The following CEMIP variants were observed in gnomAD, a reference collection of about 807,000 sequenced individuals.
CEMIP encodes cell migration inducing hyaluronidase 1.
CEMIP carries 105 observed loss-of-function variants against 156.9 expected under a neutral mutation model. That is an observed-to-expected ratio of 0.67 (90% CI 0.57 to 0.79). CEMIP has a LOEUF of 0.79. Among genes scored for constraint, CEMIP ranks in the 30% least tolerant of loss-of-function variants. CEMIP has a pLI of 0.00. For synonymous variants in CEMIP, 676 were observed against 668.4 expected (o/e 1.01, Z -0.17); for missense variants, 1,457 against 1,769.4 (o/e 0.82, Z 3.17).
At chr15:80,885,148 G>A (rs999174560) in intron 7 of CEMIP, among the ~76,000 whole-genome samples, 2 of 152,070 alleles carry the variant, frequency 1.3e-5, no homozygotes, top group Non-Finnish European at 2.9e-5. Flanking sequence ...TTTTTATCAT[G>A]TTGAATCAAA....
At chr15:80,814,335 C>T (rs551597045) in intron 1 of CEMIP, among the ~76,000 whole-genome samples, 1 of 152,262 alleles carries the variant, frequency 6.6e-6, no homozygotes, top group Admixed American at 6.5e-5. Flanking sequence ...AGGTGTGAGC[C>T]ACTGAGCCCG....
chr15:80,807,695 T>C (rs1896547502), intron 1 of CEMIP, among the ~76,000 whole-genome samples: 2 of 152,220 alleles, frequency 1.3e-5, no homozygotes, highest in South Asian at 4.1e-4. Context: ...CTAAAGGCTG[T>C]CTTAAAAACA....
Position 80,875,676 on chromosome 15 carries a change from C to T in CEMIP, c.94+1703C>T, listed in dbSNP as rs140059618. 2.5e-3 allele frequency among the ~76,000 whole-genome samples: 376 copies of T among 152,264 alleles called. 3 individuals carry two copies. The highest frequency in any genetic ancestry group is 8.6e-3 in the African/African-American group (356 of 41,558). The stretch of plus-strand genomic sequence containing the variant: ...GAAGCCAACCCTTGCTATTCATGCT[C>T]CAAGTAGGTCGGGCTTGCACTCCCT... On this transcript the variant is annotated intron_variant, in intron 3 of 29. Coordinates refer to ENST00000394685, the MANE Select transcript of CEMIP (RefSeq NM_001293298.2).
intron 1 of CEMIP, among the ~76,000 whole-genome samples, chr15:80,805,526 T>C (rs867878026): frequency 4.6e-5 from 7 of 152,148 alleles, no homozygotes; most frequent in Non-Finnish European, 1.5e-5. Flanking sequence ...AGCTCAGGAG[T>C]AGTGTTGTTC....
intron 1 of CEMIP, among the ~76,000 whole-genome samples, chr15:80,827,065 T>C (rs890648535): frequency 1.2e-4 from 19 of 152,192 alleles, no homozygotes; most frequent in African/African-American, 4.3e-4. Flanking sequence ...TTTCACTCCA[T>C]GGTGCTGCTT....
Position 80,951,690 on chromosome 15 carries a change from A to AG in CEMIP, c.*2770dup, listed in dbSNP as rs1901837258. On this transcript the variant is annotated 3_prime_UTR_variant, in exon 30 of 30. Coordinates refer to ENST00000394685, the MANE Select transcript of CEMIP (RefSeq NM_001293298.2). The stretch of plus-strand genomic sequence containing the variant: ...GGAGATGTCCTTTGCATTGCTTGGA[A>AG]GGGGTGTACCTAGAGCCAAGGAAAT... 6.6e-6 allele frequency: 1 copy of AG among 152,580 alleles called. No homozygotes were observed. The allele number at this position is 152,580 out of a possible 1,614,324, so 9.5% of individuals were successfully genotyped here.
At chr15:80,942,368 G>A (rs752033858) in intron 27 of CEMIP, 31 bp downstream of exon 27, 3 of 1,577,064 alleles carry the variant, frequency 1.9e-6, no homozygotes, top group East Asian at 2.2e-5. Context: ...GAGGATTCGG[G>A]TTTGCTCATT....
At position 80,827,126 on chromosome 15, in the gene CEMIP, G is replaced by A. The variant is rs1031327651; in HGVS notation, c.-175-46412G>A. Among the ~76,000 whole-genome samples the A allele has an allele frequency of 2.3e-4, 35 of 152,216 alleles. 1 individual carries two copies. The highest frequency in any genetic ancestry group is 8.4e-4 in the African/African-American group (35 of 41,538). Reference sequence around the variant, plus strand: ...CAAATCACTACCATGCACAGCAGTGGGCCAGGTCTCACCTGGGGATAGGTG... The same window carrying A: ...CAAATCACTACCATGCACAGCAGTGAGCCAGGTCTCACCTGGGGATAGGTG... On this transcript the variant is annotated intron_variant, in intron 1 of 29. Coordinates refer to ENST00000394685, the MANE Select transcript of CEMIP (RefSeq NM_001293298.2).
At chr15:80,797,633 C>T (rs531207650) in intron 1 of CEMIP, among the ~76,000 whole-genome samples, 15 of 142,354 alleles carry the variant, frequency 1.1e-4, no homozygotes, top group African/African-American at 2.6e-4. Flanking sequence ...CTAGAAGAAA[C>T]GTACAAAAAC....
At chr15:80,797,946 T>C (rs1270898927) in intron 1 of CEMIP, among the ~76,000 whole-genome samples, 1 of 152,256 alleles carries the variant, frequency 6.6e-6, no homozygotes, top group Non-Finnish European at 1.5e-5. Context: ...GGGTCTGTGC[T>C]CTAAGCACTG....
intron 1 of CEMIP, among the ~76,000 whole-genome samples, chr15:80,797,166 T>G (rs561340280): frequency 6.6e-6 from 1 of 152,330 alleles, no homozygotes; most frequent in South Asian, 2.1e-4. Flanking sequence ...ACGGGAATTG[T>G]GCACAGCAAC....
At chr15:80,808,442 G>A (rs1896570919) in intron 1 of CEMIP, among the ~76,000 whole-genome samples, 2 of 152,190 alleles carry the variant, frequency 1.3e-5, no homozygotes, top group African/African-American at 2.4e-5. Context: ...CAGGTGGGCA[G>A]GCAGGGTTCT....
At chr15:80,894,089 T>C (rs540492981) in intron 10 of CEMIP, among the ~76,000 whole-genome samples, 15 of 152,258 alleles carry the variant, frequency 9.9e-5, no homozygotes, top group Admixed American at 7.8e-4. Context: ...CCAGCCCTCA[T>C]CCACTGAGAC....
intron 14 of CEMIP, among the ~76,000 whole-genome samples, chr15:80,909,977 C>T (rs901617016): frequency 6.6e-6 from 1 of 152,278 alleles, no homozygotes; most frequent in East Asian, 1.9e-4. Context: ...AACATTTGAA[C>T]ATTTTTACAC....
At chr15:80,832,268 T>C (rs1043810878) in intron 1 of CEMIP, among the ~76,000 whole-genome samples, 1 of 151,904 alleles carries the variant, frequency 6.6e-6, no homozygotes, top group Middle Eastern at 3.2e-3. Context: ...GTTGCCTATG[T>C]GTTACTATAC....
In CEMIP at chr15:80,932,565, G is replaced by A. The variant is rs1199341087; in HGVS notation, c.2793+526G>A. Among the ~76,000 whole-genome samples the A allele has an allele frequency of 6.6e-6, 1 of 152,154 alleles. No homozygotes were observed. Among genetic ancestry groups the A allele is most frequent in the Non-Finnish European group, 1.5e-5 (1 of 68,038 alleles). The stretch of plus-strand genomic sequence containing the variant: ...AAGGGCTGCCCTGTGAGACCAGCCG[G>A]GGCCAGTCCTCCTGTGCATTTCCTT... On this transcript the variant is annotated intron_variant, in intron 22 of 29. Coordinates refer to ENST00000394685, the MANE Select transcript of CEMIP (RefSeq NM_001293298.2). This position sits in a 1 kb window ranked among gnomAD's most constrained non-coding sequence, Gnocchi z 4.5.
At chr15:80,832,148 T>C (rs984474821) in intron 1 of CEMIP, among the ~76,000 whole-genome samples, 2 of 152,248 alleles carry the variant, frequency 1.3e-5, no homozygotes. Context: ...GCTTTTGTTT[T>C]GCAAAATCTG....
intron 1 of CEMIP, among the ~76,000 whole-genome samples, chr15:80,804,491 T>C (rs1170694572): frequency 6.6e-6 from 1 of 152,192 alleles, no homozygotes; most frequent in Non-Finnish European, 1.5e-5. Context: ...GAAGGTTGAC[T>C]CTTCTGAACT....
chr15:80,937,922 A>G lies in CEMIP; in HGVS notation c.3350A>G (p.Asp1117Gly). The change falls in exon 25 of 30, where the codon GAC becomes GGC. Residue 1117 changes from aspartate (D) to glycine (G), a missense_variant. Coordinates refer to ENST00000394685, the MANE Select transcript of CEMIP (RefSeq NM_001293298.2). ...GTCTTCGTGAGGACCTTGCAGATGG[A>G]CAAAGTGGAGCAGAGCTACCCTGGC... is the stretch of plus-strand genomic sequence containing the variant. ...TGVFVRTLQM[D>G]KVEQSYPGRS... is the part of the protein sequence containing the mutation. 1 of 1,614,212 alleles carries G rather than the reference A, an allele frequency of 6.2e-7. No individual in the cohort carries two copies. Among genetic ancestry groups the G allele is most frequent in the Non-Finnish European group, 8.5e-7 (1 of 1,180,026 alleles).
Sources: gnomAD v4.1 joint callset for allele counts (sites outside exome capture counted in the v4.1 genomes callset) on GRCh38, gnomAD v4.1.1 for gene constraint, Gnocchi (gnomAD v3.1) non-coding constraint, MANE v1.5 for transcripts, NCBI Gene and HGNC (gene_info 2026-07-23, HGNC 2026-07-21) for gene names.